The following ADGRG6 variants were observed in gnomAD, a reference collection of about 807,000 sequenced individuals.
ADGRG6 encodes the protein G-protein coupled receptor 126.
ADGRG6 carries 84 observed loss-of-function variants against 142.4 expected under a neutral mutation model. That is an observed-to-expected ratio of 0.59 (90% CI 0.49 to 0.71). ADGRG6 has a LOEUF of 0.71. Ranked by LOEUF, ADGRG6 falls within the 30% of genes least tolerant of loss-of-function variation. The pLI, the probability that ADGRG6 is intolerant of heterozygous loss-of-function variation, is 0.00. For missense variants in ADGRG6, 1,367 were observed against 1,466.6 expected, an observed-to-expected ratio of 0.93 and a Z score of 1.11; for synonymous variants, 521 against 520.5, an observed-to-expected ratio of 1.00 and a Z score of -0.01.
intron 15 of ADGRG6, 64 bp downstream of exon 15, chr6:142,405,892 C>G (rs1764020143): frequency 8.3e-7 from 1 of 1,210,318 alleles, no homozygotes; most frequent in Non-Finnish European, 1.1e-6. Flanking sequence ...GCAAAGAAAA[C>G]AAAACTTTAG....
chr6:142,386,364 C>A (rs1354887824), intron 6 of ADGRG6, among the ~76,000 whole-genome samples: 3 of 152,144 alleles, frequency 2.0e-5, no homozygotes, highest in African/African-American at 4.8e-5. Flanking sequence ...AGAAACATCA[C>A]CAAACTTCCA....
chr6:142,388,800 C>T (rs1345688008), intron 6 of ADGRG6, among the ~76,000 whole-genome samples: 1 of 151,990 alleles, frequency 6.6e-6, no homozygotes, highest in Non-Finnish European at 1.5e-5. Context: ...TGATCTTGAA[C>T]TGTAAGTAGG....
intron 24 of ADGRG6, among the ~76,000 whole-genome samples, chr6:142,442,236 A>G (rs1777788626): frequency 6.6e-6 from 1 of 152,216 alleles, no homozygotes; most frequent in African/African-American, 2.4e-5. Flanking sequence ...TCCACAATGT[A>G]TGGAGAAGGT....
intron 22 of ADGRG6, among the ~76,000 whole-genome samples, chr6:142,420,516 G>A (rs761874559): frequency 2.6e-5 from 4 of 152,148 alleles, no homozygotes; most frequent in East Asian, 1.9e-4. Context: ...AAGATTTACC[G>A]TTGATGGCCA....
intron 2 of ADGRG6, among the ~76,000 whole-genome samples, chr6:142,342,296 T>C (rs1274365907): frequency 6.6e-6 from 1 of 152,106 alleles, no homozygotes; most frequent in Non-Finnish European, 1.5e-5. Context: ...AGAATTAAAT[T>C]CCAGAGAAGA....
intron 15 of ADGRG6, 23 bp from the exon 16 acceptor site, chr6:142,408,127 C>A: frequency 6.6e-7 from 1 of 1,525,450 alleles, no homozygotes; most frequent in Non-Finnish European, 8.8e-7. Context: ...GACTGATACA[C>A]GCGATTTTTT....
At chr6:142,315,836 TAA>T (rs1778027753) in intron 2 of ADGRG6, among the ~76,000 whole-genome samples, 1 of 136,230 alleles carries the variant, frequency 7.3e-6, no homozygotes, top group Non-Finnish European at 1.5e-5. Context: ...AATAAATAAA[TAA>T]ATAAATAAAT....
At chr6:142,409,812 G>A (rs1169984249) in intron 16 of ADGRG6, 62 bp from the exon 17 acceptor site, 2 of 707,950 alleles carry the variant, frequency 2.8e-6, no homozygotes, top group Non-Finnish European at 4.8e-6. Context: ...TTATTCTTTT[G>A]CCATATTTAA....
intron 2 of ADGRG6, among the ~76,000 whole-genome samples, chr6:142,353,709 A>G (rs2114786889): frequency 6.6e-6 from 1 of 152,304 alleles, no homozygotes; most frequent in African/African-American, 2.4e-5. Context: ...TGAAAAGAGT[A>G]TGCCCCAAGA....
At chr6:142,435,037 T>C (rs1404597406) in intron 22 of ADGRG6, among the ~76,000 whole-genome samples, 1 of 152,158 alleles carries the variant, frequency 6.6e-6, no homozygotes, top group Non-Finnish European at 1.5e-5. Flanking sequence ...TAAGACTTTT[T>C]CCCACTTTTT....
chr6:142,411,288 G>T lies in ADGRG6; in HGVS notation c.2435-17G>T, dbSNP rs1776069387. The T allele has an allele frequency of 7.1e-7, 1 of 1,399,848 alleles. No individual in the cohort carries two copies. The highest frequency in any genetic ancestry group is 1.0e-6 in the Non-Finnish European group (1 of 984,962). The allele number at this position is 1,399,848 out of a possible 1,614,324, so 86.7% of individuals were successfully genotyped here. Reference sequence around the variant, plus strand: ...CTGACCTGCTGTTTTCACACTGTTTGTTGATTCCTTCAACAGAAAGTTTTG... The same window carrying T: ...CTGACCTGCTGTTTTCACACTGTTTTTTGATTCCTTCAACAGAAAGTTTTG... On this transcript the variant is annotated splice_polypyrimidine_tract_variant and intron_variant, in intron 17 of 24. Transcript: ENST00000367609.
chr6:142,306,624 C>T (rs1777508080), intron 1 of ADGRG6, among the ~76,000 whole-genome samples: 2 of 151,990 alleles, frequency 1.3e-5, no homozygotes, highest in African/African-American at 4.8e-5. Flanking sequence ...AAAAAATGTT[C>T]CTGCTGTCTT....
chr6:142,315,357 T>C (rs1465542493), intron 2 of ADGRG6, among the ~76,000 whole-genome samples: 2 of 149,176 alleles, frequency 1.3e-5, no homozygotes, highest in Non-Finnish European at 3.0e-5. Context: ...ATTCAGTAAG[T>C]AAAGAAGATG....
At chr6:142,405,920 CA>C in intron 15 of ADGRG6, 92 bp downstream of exon 15, 1 of 898,060 alleles carries the variant, frequency 1.1e-6, no homozygotes, top group Non-Finnish European at 1.6e-6. Flanking sequence ...TGAAATATAT[CA>C]GAAGGTTTAG....
chr6:142,393,378 T>C (rs948871032), intron 8 of ADGRG6, among the ~76,000 whole-genome samples: 6 of 152,094 alleles, frequency 3.9e-5, no homozygotes, highest in Non-Finnish European at 7.4e-5. Context: ...CCAGATCTAA[T>C]TTCGTACATC....
chr6:142,370,345 ATC>A lies in ADGRG6; in HGVS notation c.622_623del (p.Ser208LeufsTer20). ...GGACAGCTTTCTCCTACTCAAATGC[ATC>A]CTTCACACAATTGCTCAGTTTTGGA... ...DWTAFSYSNA[S>X]FTQLLSFGKA... On this transcript the variant is annotated frameshift_variant, in exon 4 of 25. Transcript: ENST00000367609. LOFTEE classifies it high-confidence loss of function. 6.2e-7 allele frequency: 1 copy of A among 1,613,692 alleles called. No homozygotes were observed. Among genetic ancestry groups the A allele is most frequent in the Non-Finnish European group, 8.5e-7 (1 of 1,179,646 alleles).
At chr6:142,394,880 A>G (rs756603393) in intron 9 of ADGRG6, among the ~76,000 whole-genome samples, 2 of 152,070 alleles carry the variant, frequency 1.3e-5, no homozygotes, top group African/African-American at 2.4e-5. Flanking sequence ...CAGGCGTGAG[A>G]TGTCATATCT....
chr6:142,334,223 A>T (rs1280232304), intron 2 of ADGRG6, among the ~76,000 whole-genome samples: 1 of 152,230 alleles, frequency 6.6e-6, no homozygotes, highest in Non-Finnish European at 1.5e-5. Context: ...GAAGGAAGCT[A>T]AGAAGAATAA....
chr6:142,383,405 T>G (rs1317055467), intron 5 of ADGRG6, among the ~76,000 whole-genome samples: 1 of 152,194 alleles, frequency 6.6e-6, no homozygotes, highest in Non-Finnish European at 1.5e-5. Context: ...ACTTTTTCTT[T>G]TGACAGACTC....
Sources: gnomAD v4.1 joint callset for allele counts (sites outside exome capture counted in the v4.1 genomes callset) on GRCh38, gnomAD v4.1.1 for gene constraint, MANE v1.5 for transcripts, NCBI Gene and HGNC (gene_info 2026-07-23, HGNC 2026-07-21) for gene names.